The following DNM1 variants were observed in gnomAD, a reference collection of about 807,000 sequenced individuals.
The protein encoded by DNM1 is dynamin-1.
In DNM1, 29 loss-of-function variants were observed where a neutral mutation model predicts 104.6. The ratio of observed to expected loss-of-function variants is 0.28; its 90% confidence interval spans 0.21 to 0.38. DNM1 has a LOEUF of 0.38. Among genes scored for constraint, DNM1 ranks in the 10% least tolerant of loss-of-function variants. DNM1 has a pLI of 1.00. For missense variants in DNM1, 640 were observed against 1,189.4 expected (o/e 0.54, Z 6.79); for synonymous variants, 445 against 475.8 (o/e 0.94, Z 0.84).
Position 128,254,674 on chromosome 9 carries a change from C to T in DNM1, c.2555C>T (p.Pro852Leu). Residue 852 changes from proline to leucine, a missense_variant, in exon 22 of 22, where the codon CCA (proline) becomes CTA (leucine). Pro to Leu is a moderately conservative substitution (Grantham distance 98, BLOSUM62 -3). Transcript: ENST00000372923. This position sits in a 1 kb window ranked among gnomAD's most constrained non-coding sequence, Gnocchi z 6.1. ...GVPSRSGQAS[P>L]SRPESPRPPF... ...GCCAGCCGATCGGGTCAGGCAAGTC[C>T]ATCCCGTCCTGAGAGCCCCAGGCCC... 2 of 1,596,354 alleles carry T rather than the reference C, an allele frequency of 1.3e-6. No homozygotes were observed. Among genetic ancestry groups the T allele is most frequent in the Non-Finnish European group, 1.7e-6 (2 of 1,179,746 alleles).
rs1297233040 is a variant in DNM1 at position 128,222,804 on chromosome 9, T to C, written c.1140T>C (p.Asp380=). The C allele has an allele frequency of 2.5e-6, 4 of 1,613,978 alleles. No homozygotes were observed. The African/African-American group carries it at 4.0e-5, about 16-fold the overall frequency. ...FPFELVKMEF[D]EKELRREISY... is the part of the protein sequence containing the mutation. The stretch of plus-strand genomic sequence containing the variant: ...GCTTTTCTACACAGATGGAGTTTGA[T>C]GAGAAGGAACTCCGAAGGGAGATCA... Residue 380 remains aspartate, a synonymous_variant, in exon 9 of 22, where the codon GAT becomes GAC. Transcript: ENST00000372923. This position sits in a 1 kb window ranked among gnomAD's most constrained non-coding sequence, Gnocchi z 7.8.
At chr9:128,225,830 C>T (rs182341380) in intron 10 of DNM1, among the ~76,000 whole-genome samples, 36 of 152,022 alleles carry the variant, frequency 2.4e-4, no homozygotes, top group African/African-American at 8.0e-4. Context: ...GTGCCAACCC[C>T]GGGTGGCAAG....
intron 21 of DNM1, chr9:128,252,656 G>A: frequency 2.3e-6 from 1 of 441,694 alleles, no homozygotes; most frequent in Admixed American, 2.4e-5. Context: ...GCTGTGGGCA[G>A]TAGGGAACCA....
rs1316642052 is a variant in DNM1, at chr9:128,240,155, C to A, written c.1557+159C>A. ...CACCTGCCCTCAGGCCAGAGGCAGGCCCAGCCGCATCCACCCGTCCATCTG... is the reference window on the plus strand; with the variant it reads ...CACCTGCCCTCAGGCCAGAGGCAGGACCAGCCGCATCCACCCGTCCATCTG... On this transcript the variant is annotated intron_variant, in intron 14 of 21. Coordinates refer to ENST00000372923, the MANE Select transcript of DNM1 (RefSeq NM_004408.4). The surrounding 1 kb of genome is among the most constrained non-coding windows in gnomAD (Gnocchi z 5.1). 6.6e-6 allele frequency among the ~76,000 whole-genome samples: 1 copy of A among 152,168 alleles called. No individual in the cohort carries two copies.
Position 128,253,956 on chromosome 9 carries a change from C to T in DNM1, c.2535-698C>T. ...GCCCAGCTGAGCTCCGCCCAGTGAG[C>T]CCACCCCCCATTCTCCTGCCACTGA... is the stretch of plus-strand genomic sequence containing the variant. On this transcript the variant is annotated intron_variant, in intron 21 of 21. Transcript: ENST00000372923. This position sits in a 1 kb window ranked among gnomAD's most constrained non-coding sequence, Gnocchi z 5.9. The T allele has an allele frequency of 3.2e-6, 4 of 1,233,458 alleles. No individual in the cohort carries two copies. The highest frequency in any genetic ancestry group is 4.0e-6 in the Non-Finnish European group (4 of 989,008). The allele number at this position is 1,233,458 out of a possible 1,614,324, so 76.4% of individuals were successfully genotyped here. A position where few individuals can be genotyped will look rare whatever the true frequency, so the allele number is the denominator to read the frequency against.
chr9:128,246,241 CGGTCCGT>C (rs1203142972), intron 15 of DNM1, among the ~76,000 whole-genome samples, 146 bp from the exon 16 acceptor site: 2 of 152,124 alleles, frequency 1.3e-5, no homozygotes, highest in African/African-American at 4.8e-5. Flanking sequence ...AGGAGGCCTA[CGGTCCGT>C]GGCCAGGCTT....
intron 1 of DNM1, among the ~76,000 whole-genome samples, chr9:128,208,270 G>T (rs1834092560): frequency 6.6e-6 from 1 of 152,016 alleles, no homozygotes; most frequent in African/African-American, 2.4e-5. Context: ...ATGTTGTCCA[G>T]GCTGGTCTCA....
chr9:128,236,237 C>G (rs961507441), intron 11 of DNM1, among the ~76,000 whole-genome samples: 9 of 152,178 alleles, frequency 5.9e-5, no homozygotes, highest in South Asian at 2.1e-4. Context: ...CAGGGCCCAT[C>G]GTGGCCCTCA....
intron 16 of DNM1, chr9:128,246,926 CTT>C (rs978675240): frequency 2.0e-5 from 5 of 247,930 alleles, no homozygotes; most frequent in African/African-American, 1.1e-4. Context: ...CTCCTGCTCT[CTT>C]TCCTATAGGG....
chr9:128,222,430 G>T lies in DNM1; in HGVS notation c.993-31G>T. Reference sequence around the variant, plus strand: ...GGGTTCCCTTTGCTGGGCTGCTCCTGCCCCCTCAGGCCACACCACTCTCCC... The same window carrying T: ...GGGTTCCCTTTGCTGGGCTGCTCCTTCCCCCTCAGGCCACACCACTCTCCC... On this transcript the variant is annotated intron_variant, in intron 7 of 21. Transcript: ENST00000372923. The surrounding 1 kb of genome is among the most constrained non-coding windows in gnomAD (Gnocchi z 7.8). 2.5e-6 allele frequency: 4 copies of T among 1,612,360 alleles called. No homozygotes were observed. The highest frequency in any genetic ancestry group is 2.5e-6 in the Non-Finnish European group (3 of 1,178,664).
In DNM1 at chr9:128,253,825, TG is replaced by T; in HGVS notation, c.2535-827del. 1 of 873,064 alleles carries T rather than the reference TG, an allele frequency of 1.1e-6. No individual in the cohort carries two copies. The highest frequency in any genetic ancestry group is 1.5e-6 in the Non-Finnish European group (1 of 663,644). The allele number at this position is 873,064 out of a possible 1,614,324, so 54.1% of individuals were successfully genotyped here. A position where few individuals can be genotyped will look rare whatever the true frequency, so the allele number is the denominator to read the frequency against. ...CTAGTGTGACTGAAGGCAGTGTCCC[TG>T]GCCCCAGCTGAAGCACCGTAGCCAG... On this transcript the variant is annotated intron_variant, in intron 21 of 21. Coordinates refer to ENST00000372923, the MANE Select transcript of DNM1 (RefSeq NM_004408.4). The surrounding 1 kb of genome is among the most constrained non-coding windows in gnomAD (Gnocchi z 5.9).
chr9:128,236,593 G>A (rs1386574115), intron 11 of DNM1, among the ~76,000 whole-genome samples: 1 of 152,128 alleles, frequency 6.6e-6, no homozygotes, highest in African/African-American at 2.4e-5. Context: ...GCTTATACCT[G>A]TAACCCCAGC....
At chr9:128,213,185 G>A (rs915030243) in intron 1 of DNM1, among the ~76,000 whole-genome samples, 2 of 152,106 alleles carry the variant, frequency 1.3e-5, no homozygotes, top group Admixed American at 6.5e-5. Context: ...GGGTTCAAGC[G>A]ATTCTCCTGC....
Position 128,218,102 on chromosome 9 carries a change from T to C in DNM1, c.162-129T>C, listed in dbSNP as rs1834720547. The C allele has an allele frequency of 3.5e-6, 3 of 857,036 alleles. No homozygotes were observed. The South Asian group carries it at 4.1e-5, about 12-fold the overall frequency. 53.1% of individuals were successfully genotyped at this position (857,036 alleles called of 1,614,324 possible). A position where few individuals can be genotyped will look rare whatever the true frequency, so the allele number is the denominator to read the frequency against. ...TATGCTCTTAGTTACCTGAAGCCCC[T>C]GGGCTAAGGAGCGGTGGAGCCAGCA... On this transcript the variant is annotated intron_variant, in intron 1 of 21. Transcript: ENST00000372923. The surrounding 1 kb of genome is among the most constrained non-coding windows in gnomAD (Gnocchi z 4.8).
intron 11 of DNM1, among the ~76,000 whole-genome samples, chr9:128,236,120 A>T (rs1229288157): frequency 2.0e-5 from 3 of 151,576 alleles, no homozygotes; most frequent in African/African-American, 7.3e-5. Context: ...CCTCATAGCC[A>T]CCCCCACCTT....
At chr9:128,236,696 T>A (rs988759385) in intron 11 of DNM1, among the ~76,000 whole-genome samples, 1 of 151,904 alleles carries the variant, frequency 6.6e-6, no homozygotes, top group African/African-American at 2.4e-5. Flanking sequence ...ACAAAAAATT[T>A]AAAAAACTAG....
chr9:128,235,595 G>T (rs907017025), intron 11 of DNM1, among the ~76,000 whole-genome samples: 1 of 152,146 alleles, frequency 6.6e-6, no homozygotes, highest in Admixed American at 6.5e-5. Flanking sequence ...CTACCTTTTG[G>T]CCATTGTGAA....
chr9:128,246,866 ACT>A (rs1020253477), intron 16 of DNM1: 40 of 286,218 alleles, frequency 1.4e-4, no homozygotes, highest in African/African-American at 8.7e-4. Flanking sequence ...TTCATGAGAC[ACT>A]CTGCCAGGCA....
intron 10 of DNM1, among the ~76,000 whole-genome samples, chr9:128,230,391 C>A (rs1835607136): frequency 6.7e-6 from 1 of 148,868 alleles, no homozygotes; most frequent in East Asian, 2.0e-4. Flanking sequence ...CCATAGGAAT[C>A]TTTTTATTTT....
Sources: gnomAD v4.1 joint callset for allele counts (sites outside exome capture counted in the v4.1 genomes callset) on GRCh38, gnomAD v4.1.1 for gene constraint, Gnocchi (gnomAD v3.1) non-coding constraint, MANE v1.5 for transcripts, NCBI Gene and HGNC (gene_info 2026-07-23, HGNC 2026-07-21) for gene names.